Variants in UTY observed in about 807,000 individuals in gnomAD.
The protein encoded by UTY is histone demethylase UTY.
In UTY, 12 loss-of-function variants were observed where a neutral mutation model predicts 32.5. The ratio of observed to expected loss-of-function variants is 0.37; its 90% CI spans 0.24 to 0.60. The LOEUF (loss-of-function observed/expected upper bound fraction) is 0.60. Ranked by LOEUF, UTY falls within the 20% of genes least tolerant of loss-of-function variation. The probability of loss-of-function intolerance (pLI) is 0.69; values close to 1 mark genes in which losing one functional copy is unlikely to be tolerated. For synonymous variants in UTY, 131 were observed against 103.4 expected, an observed-to-expected ratio of 1.27 and a Z score of -1.62; for missense variants, 303 against 299.2, an observed-to-expected ratio of 1.01 and a Z score of -0.09.
chrY:13,350,626 C>A (rs756391858), intron 17 of UTY, among the ~76,000 whole-genome samples: 1 of 32,598 alleles, frequency 3.1e-5, no homozygotes, highest in South Asian at 6.8e-4. Context: ...AGGGAGGAAA[C>A]CACCCCTCAT....
In UTY at chrY:13,355,350, C is replaced by T. The variant is rs747395270; in HGVS notation, c.1714G>A (p.Gly572Arg). The stretch of plus-strand genomic sequence containing the variant: ...GGCAGTGATGAATCAGTTATGGCCC[C>T]GTTATGAATTCCAGTAGTTCGTACC... ...AQVRTTGIHN[G>R]AITDSSLPTN... The change falls in exon 17 of 30, where the codon GGG becomes AGG. Residue 572 changes from glycine (G) to arginine (R), a missense_variant. Physicochemically the swap from Gly to Arg is moderately radical, Grantham distance 125. Coordinates refer to ENST00000545955, the MANE Select transcript of UTY (RefSeq NM_001258249.2). 2.5e-5 allele frequency: 10 copies of T among 398,274 alleles called. No homozygotes were observed. The highest frequency in any genetic ancestry group is 9.2e-5 in the East Asian group (1 of 10,851).
intron 4 of UTY, among the ~76,000 whole-genome samples, chrY:13,439,179 G>A: frequency 3.0e-5 from 1 of 32,930 alleles, no homozygotes; most frequent in Non-Finnish European, 7.5e-5. Flanking sequence ...TATGGCAACC[G>A]CACCACAGGA....
intron 27 of UTY, among the ~76,000 whole-genome samples, chrY:13,271,491 T>C: frequency 5.9e-5 from 2 of 33,730 alleles, no homozygotes; most frequent in East Asian, 7.8e-4. Flanking sequence ...ACAAACAGTA[T>C]GGCTCTAGTG....
intron 27 of UTY, among the ~76,000 whole-genome samples, chrY:13,283,783 C>T (rs555935034): frequency 2.4e-4 from 8 of 33,473 alleles, no homozygotes; most frequent in African/African-American, 8.2e-4. Flanking sequence ...AGAGAGAAAA[C>T]GAGGCCATCT....
intron 8 of UTY, among the ~76,000 whole-genome samples, chrY:13,372,570 T>C (rs913351094): frequency 1.2e-4 from 4 of 33,184 alleles, no homozygotes; most frequent in African/African-American, 2.4e-4. Context: ...ACTAAAAACA[T>C]AGGTAACAAA....
chrY:13,369,386 TA>T (rs1383673754), intron 8 of UTY, 37 bp from the exon 9 acceptor site: 1 of 205,636 alleles, frequency 4.9e-6, no homozygotes, highest in Non-Finnish European at 7.1e-6. Context: ...TAGAGAAAAA[TA>T]AATATTAAAA....
intron 25 of UTY, among the ~76,000 whole-genome samples, chrY:13,302,447 CTT>C (rs2058427750): frequency 5.9e-5 from 2 of 33,948 alleles, no homozygotes; most frequent in African/African-American, 2.3e-4. Context: ...CAGTTTGCTT[CTT>C]TGTTTTGAGA....
intron 8 of UTY, among the ~76,000 whole-genome samples, chrY:13,383,580 C>CA (rs751638858): frequency 4.5e-3 from 40 of 8,933 alleles, no homozygotes; most frequent in East Asian, 8.5e-3. Flanking sequence ...AGACCCATCT[C>CA]AAAAAAAAAA....
intron 28 of UTY, among the ~76,000 whole-genome samples, chrY:13,240,786 C>T: frequency 3.1e-5 from 1 of 32,715 alleles, no homozygotes; most frequent in African/African-American, 1.2e-4. Context: ...GTGTAAGCTC[C>T]GGAGTTCGAG....
chrY:13,403,571 C>T, intron 6 of UTY, among the ~76,000 whole-genome samples: 1 of 33,459 alleles, frequency 3.0e-5, no homozygotes. Flanking sequence ...GGATTACAGG[C>T]ATGAGCCACT....
At chrY:13,258,580 TA>T (rs2148425855) in intron 28 of UTY, among the ~76,000 whole-genome samples, 1 of 33,962 alleles carries the variant, frequency 2.9e-5, no homozygotes, top group East Asian at 7.6e-4. Context: ...ATTGCAAAAT[TA>T]AAGAACGAAT....
chrY:13,280,043 C>A, intron 27 of UTY, among the ~76,000 whole-genome samples: 1 of 33,305 alleles, frequency 3.0e-5, no homozygotes, highest in Admixed American at 2.7e-4. Context: ...GATTAAAGCA[C>A]ACCTACAAGC....
At chrY:13,274,782 C>CAAAA (rs2056561646) in intron 27 of UTY, among the ~76,000 whole-genome samples, 1 of 26,341 alleles carries the variant, frequency 3.8e-5, no homozygotes, top group African/African-American at 1.5e-4. Flanking sequence ...AACTCTGTCT[C>CAAAA]AAAAAAATAA....
chrY:13,338,012 CT>C (rs150418964), intron 17 of UTY, among the ~76,000 whole-genome samples: 4 of 21,173 alleles, frequency 1.9e-4, no homozygotes, highest in Non-Finnish European at 3.3e-4. Context: ...TATGTTAATC[CT>C]TTTTTTTTTT....
intron 2 of UTY, among the ~76,000 whole-genome samples, chrY:13,477,835 T>C: frequency 1.8e-4 from 6 of 34,091 alleles, no homozygotes; most frequent in African/African-American, 5.7e-4. Context: ...ATCGAGTCAC[T>C]GTTGCTTAAA....
chrY:13,347,433 G>A (rs1603427461), intron 17 of UTY, among the ~76,000 whole-genome samples: 1 of 33,248 alleles, frequency 3.0e-5, no homozygotes, highest in Non-Finnish European at 7.4e-5. Flanking sequence ...ATGTTTAAAA[G>A]TAGGAGGGCC....
rs2148399229 is a variant in UTY, at chrY:13,255,705, A to C, written c.4138-4518T>G. Among the ~76,000 whole-genome samples the C allele has an allele frequency of 8.9e-5, 3 of 33,745 alleles. No homozygotes were observed. In the East Asian group the frequency reaches 2.3e-3, roughly 26 times the overall value. 90.5% of individuals were successfully genotyped at this position (33,745 alleles called of 37,273 possible). On this transcript the variant is annotated intron_variant, in intron 28 of 29. Transcript: ENST00000545955. Reference sequence around the variant, plus strand: ...TATAATTCCAAAAAATTGGCATTTAATAGTCACAGATTTAAAAGACTGTTT... The same window carrying C: ...TATAATTCCAAAAAATTGGCATTTACTAGTCACAGATTTAAAAGACTGTTT...
chrY:13,445,027 A>C, intron 4 of UTY, among the ~76,000 whole-genome samples: 5 of 27,881 alleles, frequency 1.8e-4, no homozygotes, highest in Admixed American at 6.8e-4. Flanking sequence ...GTGGTGGTGC[A>C]CACCTGTATT....
intron 4 of UTY, among the ~76,000 whole-genome samples, chrY:13,431,052 TAA>T (rs2073957771): frequency 3.1e-5 from 1 of 32,076 alleles, no homozygotes; most frequent in South Asian, 6.8e-4. Context: ...ACAAATAAAA[TAA>T]GAGAGGAAAA....
Sources: allele counts gnomAD v4.1 joint callset (sites outside exome capture counted in the v4.1 genomes callset), GRCh38; gene constraint gnomAD v4.1.1; transcripts MANE v1.5; gene names NCBI Gene and HGNC (gene_info 2026-07-23, HGNC 2026-07-21).